SPATA45: variants seen among roughly 807,000 people sequenced by gnomAD.
SPATA45 encodes spermatogenesis-associated protein 45.
Under a neutral mutation model 7.0 loss-of-function variants are expected in SPATA45, and 5 were observed. The observed-to-expected ratio is 0.71, with a 90% CI of 0.37 to 1.50. The LOEUF (loss-of-function observed/expected upper bound fraction) is 1.50. Among genes scored for constraint, SPATA45 ranks in the 40% most tolerant of loss-of-function variants. The pLI, the probability that SPATA45 is intolerant of heterozygous loss-of-function variation, is 0.03. For missense variants in SPATA45, 111 were observed against 114.9 expected (o/e 0.97, Z 0.16); for synonymous variants, 40 against 38.7 (o/e 1.03, Z -0.13).
At chr1:212,836,511 A>T (rs770807499) in intron 1 of SPATA45, among the ~76,000 whole-genome samples, 2 of 151,286 alleles carry the variant, frequency 1.3e-5, no homozygotes, top group Non-Finnish European at 3.0e-5. Context: ...TTCTATTATC[A>T]GTAGAGATGG....
chr1:212,830,603 C>T lies in SPATA45; in HGVS notation c.278-342G>A, dbSNP rs190788098. Reference sequence around the variant, plus strand: ...AAGAGAATCGGTTGAACCCAGGAGGCGGAACGTGCAGTGAGCCGAGATCAC... The same window carrying T: ...AAGAGAATCGGTTGAACCCAGGAGGTGGAACGTGCAGTGAGCCGAGATCAC... On this transcript the variant is annotated intron_variant, in intron 2 of 2. Coordinates refer to ENST00000332912, the MANE Select transcript of SPATA45 (RefSeq NM_001024601.3). Among the ~76,000 whole-genome samples the T allele has an allele frequency of 3.6e-3, 530 of 145,486 alleles. 9 individuals carry two copies. Among genetic ancestry groups the T allele is most frequent in the African/African-American group, 0.013 (506 of 39,516 alleles).
chr1:212,843,350 G>C (rs771008745), intron 1 of SPATA45, among the ~76,000 whole-genome samples: 11 of 152,052 alleles, frequency 7.2e-5, no homozygotes, highest in Non-Finnish European at 1.2e-4. Flanking sequence ...CTCACAGAGT[G>C]TCATAAGGAC....
chr1:212,840,222 C>T (rs958741005), intron 1 of SPATA45, among the ~76,000 whole-genome samples: 7 of 147,104 alleles, frequency 4.8e-5, no homozygotes, highest in South Asian at 2.2e-4. Flanking sequence ...ACCAGCCTGG[C>T]CAACATGGTG....
rs941887616 is a variant in SPATA45, at chr1:212,835,779, T to C, written c.277+94A>G. The C allele has an allele frequency of 4.1e-5, 46 of 1,132,882 alleles. 1 individual carries two copies. Among genetic ancestry groups the C allele is most frequent in the Non-Finnish European group, 5.3e-5 (43 of 817,474 alleles). The allele number at this position is 1,132,882 out of a possible 1,614,324, so 70.2% of individuals were successfully genotyped here. On this transcript the variant is annotated intron_variant, in intron 2 of 2. Coordinates refer to ENST00000332912, the MANE Select transcript of SPATA45 (RefSeq NM_001024601.3). ...TGAACCCGGGAGGTGGAGGTTGCAG[T>C]GAGCTGAGATCGCGCCACTGCACTC...
chr1:212,835,941 C>G lies in SPATA45; in HGVS notation c.209G>C (p.Ser70Thr). Residue 70 changes from serine to threonine, a missense_variant, in exon 2 of 3, where the codon AGT becomes ACT. Physicochemically the swap from Ser to Thr is moderately conservative, Grantham distance 58 (BLOSUM62 1). Coordinates refer to ENST00000332912, the MANE Select transcript of SPATA45 (RefSeq NM_001024601.3). The part of the protein sequence containing the change: ...DTTTKEPVPN[S>T]GRSSWIKLSL... ...CAGCTTGATCCAGGAGCTCCTGCCA[C>G]TGTTGGGAACAGGCTCTTTGGTTGT... The G allele has an allele frequency of 6.2e-7, 1 of 1,610,566 alleles. No individual in the cohort carries two copies. The highest frequency in any genetic ancestry group is 1.1e-5 in the South Asian group (1 of 90,720).
intron 2 of SPATA45, among the ~76,000 whole-genome samples, chr1:212,832,639 C>T (rs1663510556): frequency 1.3e-5 from 2 of 151,510 alleles, no homozygotes; most frequent in Admixed American, 1.3e-4. Flanking sequence ...CTTCCTCTTG[C>T]ACAGGTATGC....
Position 212,836,142 on chromosome 1 carries a change from G to T in SPATA45, c.8C>A (p.Ser3Tyr). MA[S>Y]INRTIEIMKK... ...CATTATTTCAATGGTTCTGTTTATA[G>T]ATGCCATTATGGTCACAAACCAATT... The change falls in exon 2 of 3, where the codon TCT becomes TAT. Residue 3 changes from serine (S) to tyrosine (Y), a missense_variant. Transcript: ENST00000332912. 1 of 1,601,926 alleles carries T rather than the reference G, an allele frequency of 6.2e-7. No homozygotes were observed. The highest frequency in any genetic ancestry group is 8.5e-7 in the Non-Finnish European group (1 of 1,169,956).
chr1:212,846,503 G>A (rs1277862078), intron 1 of SPATA45, among the ~76,000 whole-genome samples: 2 of 152,076 alleles, frequency 1.3e-5, no homozygotes, highest in Admixed American at 6.6e-5. Flanking sequence ...AACTGATGAC[G>A]TTCCACCACT....
chr1:212,830,277 A>C lies in SPATA45; in HGVS notation c.278-16T>G. 1.4e-6 allele frequency: 2 copies of C among 1,439,856 alleles called. No homozygotes were observed. The highest frequency in any genetic ancestry group is 1.9e-6 in the Non-Finnish European group (2 of 1,038,640). 89.2% of individuals were successfully genotyped at this position (1,439,856 alleles called of 1,614,324 possible). On this transcript the variant is annotated splice_polypyrimidine_tract_variant and intron_variant, in intron 2 of 2. Transcript: ENST00000332912. Reference sequence around the variant, plus strand: ...ATGGCATTATCTGAAAAAATAAAAAATAAAAAGTATTTGTTATATAACTTA... The same window carrying C: ...ATGGCATTATCTGAAAAAATAAAAACTAAAAAGTATTTGTTATATAACTTA...
At chr1:212,836,294 C>G in intron 1 of SPATA45, 107 bp from the exon 2 acceptor site, 1 of 809,058 alleles carries the variant, frequency 1.2e-6, no homozygotes, top group East Asian at 2.6e-5. Flanking sequence ...AATAACACCA[C>G]AACCACCACC....
At chr1:212,847,291 C>T (rs1663817550) in intron 1 of SPATA45, among the ~76,000 whole-genome samples, 1 of 152,130 alleles carries the variant, frequency 6.6e-6, no homozygotes, top group African/African-American at 2.4e-5. Context: ...ATTTGTTATA[C>T]ATATAGCAAA....
At chr1:212,847,522 G>T (rs1405147635) in intron 1 of SPATA45, 58 bp downstream of exon 1, 6 of 152,044 alleles carry the variant, frequency 3.9e-5, no homozygotes, top group African/African-American at 1.4e-4. Flanking sequence ...ATAATAATAA[G>T]AATTGACTGT....
intron 1 of SPATA45, among the ~76,000 whole-genome samples, chr1:212,846,868 C>T (rs1571995178): frequency 2.0e-5 from 3 of 152,180 alleles, no homozygotes; most frequent in Admixed American, 2.0e-4. Context: ...CTGAAAAGGG[C>T]TTTGAAACTT....
chr1:212,842,789 A>C (rs1326464590), intron 1 of SPATA45, among the ~76,000 whole-genome samples: 1 of 151,978 alleles, frequency 6.6e-6, no homozygotes, highest in Non-Finnish European at 1.5e-5. Flanking sequence ...CCTGGCCAAC[A>C]TGGTGAAACC....
intron 1 of SPATA45, among the ~76,000 whole-genome samples, chr1:212,838,907 T>A (rs1663632859): frequency 6.6e-6 from 1 of 151,114 alleles, no homozygotes; most frequent in Non-Finnish European, 1.5e-5. Context: ...TCTCATTATG[T>A]TCCTAAGGCT....
intron 2 of SPATA45, among the ~76,000 whole-genome samples, chr1:212,835,605 G>T (rs1034791368): frequency 7.9e-5 from 12 of 151,288 alleles, no homozygotes; most frequent in Admixed American, 6.6e-4. Flanking sequence ...GGCCGAGGTG[G>T]GTGGATCACC....
intron 1 of SPATA45, among the ~76,000 whole-genome samples, chr1:212,846,048 C>A (rs1222462156): frequency 3.3e-5 from 5 of 152,142 alleles, no homozygotes; most frequent in Non-Finnish European, 7.3e-5. Context: ...ATTCTTAGTC[C>A]TTTAATACCT....
chr1:212,841,792 C>G (rs973404552), intron 1 of SPATA45, among the ~76,000 whole-genome samples: 2 of 152,108 alleles, frequency 1.3e-5, no homozygotes, highest in African/African-American at 4.8e-5. Flanking sequence ...GAGTCTCACT[C>G]TGTCACCCAG....
intron 1 of SPATA45, among the ~76,000 whole-genome samples, chr1:212,836,878 C>T (rs1200188084): frequency 1.4e-5 from 2 of 147,452 alleles, no homozygotes; most frequent in South Asian, 2.2e-4. Flanking sequence ...AGGTTGGTCT[C>T]GAACTCCTGA....
Sources: gnomAD v4.1 joint callset for allele counts (sites outside exome capture counted in the v4.1 genomes callset) on GRCh38, gnomAD v4.1.1 for gene constraint, MANE v1.5 for transcripts, NCBI Gene and HGNC (gene_info 2026-07-23, HGNC 2026-07-21) for gene names.